Variants in ZNF37A observed in about 807,000 individuals in gnomAD.
ZNF37A encodes the protein zinc finger protein 37a (KOX 21).
ZNF37A carries 10 observed loss-of-function variants against 12.3 expected under a neutral mutation model. That is an observed-to-expected ratio of 0.82 (90% CI 0.50 to 1.38). The LOEUF (loss-of-function observed/expected upper bound fraction) is 1.38, where lower values mean the gene tolerates loss of function less well. Ranked by LOEUF, ZNF37A falls within the 40% of genes most tolerant of loss-of-function variation. ZNF37A has a pLI of 0.00. For missense variants in ZNF37A, 580 were observed against 651.2 expected, an observed-to-expected ratio of 0.89 and a Z score of 1.19; for synonymous variants, 207 against 223.0, an observed-to-expected ratio of 0.93 and a Z score of 0.64.
chr10:38,132,656 T>C lies in ZNF37A; in HGVS notation c.239-14076T>C, dbSNP rs529559183. On this transcript the variant is annotated intron_variant, in intron 7 of 7. Coordinates refer to the ZNF37A transcript ENST00000638053. ...CCCTGCTGTAGGTTAATGTAAGTGT[T>C]CTGACCATGTTTATATGGGCCAGAT... Among the ~76,000 whole-genome samples, 4 of 152,286 alleles carry C rather than the reference T, an allele frequency of 2.6e-5. No homozygotes were observed. In the South Asian group the frequency reaches 8.3e-4, roughly 32 times the overall value.
chr10:38,149,722 A>G (rs1478500052), exon 8 of ZNF37A: 1 of 151,890 alleles, frequency 6.6e-6, no homozygotes, highest in African/African-American at 2.4e-5. Context: ...CTACAGGTGC[A>G]TGCTACGACA....
intron 7 of ZNF37A, among the ~76,000 whole-genome samples, chr10:38,131,238 T>A (rs1201430671): frequency 1.3e-5 from 2 of 152,198 alleles, no homozygotes; most frequent in African/African-American, 4.8e-5. Flanking sequence ...ATTTTTTCAT[T>A]CTGTTGTCTG....
intron 5 of ZNF37A, among the ~76,000 whole-genome samples, chr10:38,097,796 A>G (rs2067270016): frequency 6.6e-6 from 1 of 152,076 alleles, no homozygotes; most frequent in Non-Finnish European, 1.5e-5. Context: ...ATGGTAAAAT[A>G]CACATCACAT....
chr10:38,111,705 C>A (rs937193620), intron 5 of ZNF37A, among the ~76,000 whole-genome samples: 3 of 152,072 alleles, frequency 2.0e-5, no homozygotes, highest in African/African-American at 7.2e-5. Context: ...TGTTTTGAAT[C>A]ACATTTCAAC....
At chr10:38,130,333 T>A (rs1481298130), downstream of ZNF37A, among the ~76,000 whole-genome samples, 1 of 152,364 alleles carries the variant, frequency 6.6e-6, no homozygotes, top group Admixed American at 6.5e-5. Context: ...TGTGCCTGTG[T>A]ACAGTGATGT....
rs71491242 is a variant in ZNF37A, at chr10:38,136,227, T to G, written c.239-10505T>G. ...GGTGCCATCTTTGCTCACTGCAACC[T>G]CTGCCTCCTGGATTCAACAGATTTG... On this transcript the variant is annotated intron_variant, in intron 7 of 7. Transcript: ENST00000638053. Among the ~76,000 whole-genome samples, 266 of 152,308 alleles carry G rather than the reference T, an allele frequency of 1.7e-3. 1 individual carries two copies. The highest frequency in any genetic ancestry group is 2.8e-3 in the Non-Finnish European group (193 of 68,026).
rs529249805 is a variant in ZNF37A, at chr10:38,120,240, C to G, written c.*1403C>G. On this transcript the variant is annotated 3_prime_UTR_variant, in exon 8 of 8. Coordinates refer to ENST00000685332, the MANE Select transcript of ZNF37A (RefSeq NM_001324250.3). The stretch of plus-strand genomic sequence containing the variant: ...GGTCAGGAGTTCCAGACCAGCCTGG[C>G]CAACATGATGAAACCCTGTCTCTAC... The G allele has an allele frequency of 1.3e-5, 2 of 152,058 alleles. No individual in the cohort carries two copies. Among genetic ancestry groups the G allele is most frequent in the African/African-American group, 2.4e-5 (1 of 41,376 alleles). 9.4% of individuals were successfully genotyped at this position (152,058 alleles called of 1,614,324 possible).
chr10:38,096,902 A>T (rs1160441506), intron 5 of ZNF37A, among the ~76,000 whole-genome samples: 1 of 152,214 alleles, frequency 6.6e-6, no homozygotes, highest in East Asian at 1.9e-4. Context: ...ATTGGGACTC[A>T]GCTATACTCA....
At chr10:38,112,488 C>T (rs1182266949) in intron 5 of ZNF37A, among the ~76,000 whole-genome samples, 3 of 151,676 alleles carry the variant, frequency 2.0e-5, no homozygotes, top group East Asian at 1.9e-4. Context: ...ATTTGTGCAA[C>T]CTCAGACATA....
chr10:38,118,547 C>A lies in ZNF37A; in HGVS notation c.1396C>A (p.Pro466Thr), dbSNP rs766194424. The change falls in exon 8 of 8, where the codon CCT (proline) becomes ACT (threonine). Residue 466 changes from proline to threonine, a missense_variant. Pro to Thr is a conservative substitution (Grantham distance 38). Transcript: ENST00000685332. ...EHLRRHTGEK[P>T]FGCNECGKTF... Reference sequence around the variant, plus strand: ...TCTGAGAAGACACACAGGGGAGAAACCTTTTGGATGTAATGAATGTGGGAA... The same window carrying A: ...TCTGAGAAGACACACAGGGGAGAAAACTTTTGGATGTAATGAATGTGGGAA... 1.4e-4 allele frequency: 225 copies of A among 1,613,848 alleles called. No homozygotes were observed. The highest frequency in any genetic ancestry group is 1.7e-4 in the Non-Finnish European group (196 of 1,179,966).
intron 5 of ZNF37A, among the ~76,000 whole-genome samples, chr10:38,099,043 T>C (rs1199042920): frequency 6.6e-6 from 1 of 152,182 alleles, no homozygotes; most frequent in Non-Finnish European, 1.5e-5. Flanking sequence ...AATTTGGGTG[T>C]GTGTATTTAT....
intron 5 of ZNF37A, among the ~76,000 whole-genome samples, chr10:38,110,544 A>C (rs1432600602): frequency 6.6e-6 from 1 of 152,238 alleles, no homozygotes; most frequent in Admixed American, 6.5e-5. Context: ...CAGAGTGAAC[A>C]GGCAATCTAC....
At chr10:38,138,235 A>C (rs923539131) in intron 7 of ZNF37A, 20 of 152,226 alleles carry the variant, frequency 1.3e-4, no homozygotes, top group African/African-American at 4.1e-4. Context: ...AACTTCACCT[A>C]GGCTTGTGGC....
chr10:38,140,304 G>C (rs1590949382), intron 7 of ZNF37A: 1 of 152,250 alleles, frequency 6.6e-6, no homozygotes, highest in African/African-American at 2.4e-5. Flanking sequence ...ACTGAGCTGT[G>C]TGTAAACACG....
chr10:38,128,312 T>TC (rs1268192089), downstream of ZNF37A, among the ~76,000 whole-genome samples: 1 of 152,152 alleles, frequency 6.6e-6, no homozygotes, highest in East Asian at 1.9e-4. Flanking sequence ...CCTGGGGTTA[T>TC]GGTGTTAAGC....
Position 38,120,500 on chromosome 10 carries a change from G to A in ZNF37A, c.*1663G>A, listed in dbSNP as rs1027089739. 1 of 152,068 alleles carries A rather than the reference G, an allele frequency of 6.6e-6. No homozygotes were observed. The highest frequency in any genetic ancestry group is 2.4e-5 in the African/African-American group (1 of 41,396). The allele number at this position is 152,068 out of a possible 1,614,324, so 9.4% of individuals were successfully genotyped here. A position where few individuals can be genotyped will look rare whatever the true frequency, so the allele number is the denominator to read the frequency against. ...GTTGGCAGCAGAATGGACCCATTGA[G>A]GATAACTATAAAATTACAGAAAATA... On this transcript the variant is annotated 3_prime_UTR_variant, in exon 8 of 8. Coordinates refer to ENST00000685332, the MANE Select transcript of ZNF37A (RefSeq NM_001324250.3).
intron 7 of ZNF37A, chr10:38,142,957 C>T (rs2070203830): frequency 6.6e-6 from 1 of 152,202 alleles, no homozygotes. Context: ...TCGTGTTTAT[C>T]CATGTTTTTA....
chr10:38,109,784 C>T (rs1212698406), intron 5 of ZNF37A, among the ~76,000 whole-genome samples: 5 of 152,022 alleles, frequency 3.3e-5, no homozygotes, highest in East Asian at 1.9e-4. Flanking sequence ...ACAAGTTACA[C>T]GGGATGCGAA....
chr10:38,096,072 G>A (rs571705399), intron 4 of ZNF37A, among the ~76,000 whole-genome samples: 12 of 152,118 alleles, frequency 7.9e-5, no homozygotes, highest in Non-Finnish European at 1.3e-4. Flanking sequence ...TGTAGTCCCA[G>A]CGACTTGGGA....
Sources: gnomAD v4.1 joint callset for allele counts (sites outside exome capture counted in the v4.1 genomes callset) on GRCh38, gnomAD v4.1.1 for gene constraint, MANE v1.5 for transcripts, NCBI Gene and HGNC (gene_info 2026-07-23, HGNC 2026-07-21) for gene names.